CYP7B1: variants seen among roughly 807,000 people sequenced by gnomAD.
CYP7B1 encodes cytochrome P450 family 7 subfamily B member 1, also known as cytochrome P450 7B1.
In CYP7B1, 29 loss-of-function variants were observed where a neutral mutation model predicts 42.7. The observed-to-expected ratio is 0.68, with a 90% confidence interval of 0.51 to 0.93. The LOEUF is 0.93. Ranked by LOEUF, CYP7B1 falls within the 40% of genes least tolerant of loss-of-function variation. The probability of loss-of-function intolerance (pLI) is 0.00; values close to 1 mark genes in which losing one functional copy is unlikely to be tolerated. For synonymous variants in CYP7B1, 235 were observed against 218.2 expected (o/e 1.08, Z -0.68); for missense variants, 655 against 600.5 (o/e 1.09, Z -0.95).
At position 64,592,081 on chromosome 8, in the gene CYP7B1, G is replaced by A. The variant is rs1337061251; in HGVS notation, c.*4561C>T. 2.6e-5 allele frequency among the ~76,000 whole-genome samples: 4 copies of A among 151,808 alleles called. No homozygotes were observed. Among genetic ancestry groups the A allele is most frequent in the Non-Finnish European group, 4.4e-5 (3 of 67,966 alleles). On this transcript the variant is annotated 3_prime_UTR_variant, in exon 6 of 6. Coordinates refer to ENST00000310193, the MANE Select transcript of CYP7B1 (RefSeq NM_004820.5). Reference sequence around the variant, plus strand: ...TGGGTGCCTGTAGTCCCAGCTACTCGGAGGGCTGAGACAAGGGAATTGCTT... The same window carrying A: ...TGGGTGCCTGTAGTCCCAGCTACTCAGAGGGCTGAGACAAGGGAATTGCTT...
chr8:64,599,479 T>G (rs1805169893), intron 5 of CYP7B1, among the ~76,000 whole-genome samples: 1 of 152,190 alleles, frequency 6.6e-6, no homozygotes, highest in African/African-American at 2.4e-5. Context: ...TGAGCCACTG[T>G]GTCCGGCCGC....
chr8:64,737,873 A>G (rs1311270205), intron 1 of CYP7B1, among the ~76,000 whole-genome samples: 1 of 152,196 alleles, frequency 6.6e-6, no homozygotes, highest in African/African-American at 2.4e-5. Context: ...TGGCAGCAGT[A>G]ACTGGGAATT....
Position 64,664,411 on chromosome 8 carries a change from G to C in CYP7B1, c.123-39872C>G, listed in dbSNP as rs1166979899. Reference sequence around the variant, plus strand: ...AGACATTGTGCTAAGTGCTTTGAAAGGATTATCTAATTTAATCTCTACAGC... The same window carrying C: ...AGACATTGTGCTAAGTGCTTTGAAACGATTATCTAATTTAATCTCTACAGC... On this transcript the variant is annotated intron_variant, in intron 1 of 5. Transcript: ENST00000310193. Among the ~76,000 whole-genome samples, 8 of 152,072 alleles carry C rather than the reference G, an allele frequency of 5.3e-5. No homozygotes were observed. In the East Asian group the frequency reaches 1.5e-3, roughly 29 times the overall value.
At chr8:64,781,762 C>T (rs987925293) in intron 1 of CYP7B1, among the ~76,000 whole-genome samples, 5 of 152,110 alleles carry the variant, frequency 3.3e-5, no homozygotes, top group Non-Finnish European at 7.4e-5. Flanking sequence ...TGTAACCGAA[C>T]ATATTCATAG....
chr8:64,656,878 C>A (rs896321107), intron 1 of CYP7B1, among the ~76,000 whole-genome samples: 2 of 152,056 alleles, frequency 1.3e-5, no homozygotes, highest in African/African-American at 2.4e-5. Flanking sequence ...AAACACATTA[C>A]AATTTAATTT....
At chr8:64,764,843 G>T (rs1413501120) in intron 1 of CYP7B1, among the ~76,000 whole-genome samples, 1 of 152,158 alleles carries the variant, frequency 6.6e-6, no homozygotes, top group Non-Finnish European at 1.5e-5. Context: ...AGAAAAAGGT[G>T]ATTTAACATT....
chr8:64,774,324 T>C (rs899033618), intron 1 of CYP7B1, among the ~76,000 whole-genome samples: 2 of 152,178 alleles, frequency 1.3e-5, no homozygotes, highest in Non-Finnish European at 2.9e-5. Context: ...ATGTATATAG[T>C]AGGTAGCCAA....
downstream of CYP7B1, among the ~76,000 whole-genome samples, chr8:64,589,489 T>G (rs1805007965): frequency 6.6e-6 from 1 of 152,226 alleles, no homozygotes; most frequent in African/African-American, 2.4e-5. Context: ...GTATTCCATT[T>G]GACGTAGAAA....
chr8:64,646,765 C>T (rs954781121), intron 1 of CYP7B1, among the ~76,000 whole-genome samples: 9 of 152,210 alleles, frequency 5.9e-5, no homozygotes, highest in East Asian at 3.8e-4. Context: ...TTAAACCTCA[C>T]GAACTGCCCT....
chr8:64,658,166 G>A (rs764323658), intron 1 of CYP7B1, among the ~76,000 whole-genome samples: 3 of 151,988 alleles, frequency 2.0e-5, no homozygotes, highest in Non-Finnish European at 4.4e-5. Context: ...TTATAGATTC[G>A]AATTTCAAGA....
chr8:64,627,956 G>T (rs975265958), intron 1 of CYP7B1, among the ~76,000 whole-genome samples: 3 of 152,140 alleles, frequency 2.0e-5, no homozygotes, highest in African/African-American at 7.2e-5. Flanking sequence ...TGCAAATACT[G>T]CTATTTGTCT....
intron 1 of CYP7B1, among the ~76,000 whole-genome samples, chr8:64,626,675 A>T (rs1805614544): frequency 6.6e-6 from 1 of 152,196 alleles, no homozygotes; most frequent in Non-Finnish European, 1.5e-5. Flanking sequence ...ATGTCTTCCT[A>T]GTTATTTATT....
chr8:64,742,672 A>G (rs764203893), intron 1 of CYP7B1, among the ~76,000 whole-genome samples: 19 of 152,088 alleles, frequency 1.2e-4, no homozygotes, highest in Admixed American at 2.0e-4. Context: ...TTCTTCCAAG[A>G]CCTGGCTCCT....
intron 1 of CYP7B1, among the ~76,000 whole-genome samples, chr8:64,741,301 T>C (rs776481945): frequency 5.0e-4 from 76 of 152,194 alleles, no homozygotes; most frequent in Non-Finnish European, 9.0e-4. Flanking sequence ...ATGATTCTTC[T>C]ATGTGGAAAT....
At chr8:64,605,035 G>C (rs1805259242) in intron 4 of CYP7B1, among the ~76,000 whole-genome samples, 178 bp from the exon 5 acceptor site, 1 of 152,216 alleles carries the variant, frequency 6.6e-6, no homozygotes, top group Non-Finnish European at 1.5e-5. Flanking sequence ...GTGAGCAGGG[G>C]CGGTGGTCTG....
intron 4 of CYP7B1, among the ~76,000 whole-genome samples, chr8:64,605,228 A>G (rs1481512189): frequency 5.3e-5 from 8 of 152,228 alleles, no homozygotes; most frequent in Non-Finnish European, 8.8e-5. Context: ...GTCATTCCAC[A>G]AACCTTTAGA....
intron 1 of CYP7B1, among the ~76,000 whole-genome samples, chr8:64,632,285 G>A (rs977372585): frequency 2.6e-5 from 4 of 152,066 alleles, no homozygotes; most frequent in East Asian, 1.9e-4. Context: ...AGATAAACGC[G>A]GAGGACATTA....
chr8:64,615,317 A>T, intron 3 of CYP7B1, 85 bp from the exon 4 acceptor site: 1 of 1,366,676 alleles, frequency 7.3e-7, no homozygotes, highest in Non-Finnish European at 1.0e-6. Context: ...AGATGTTAGG[A>T]CACAGACCCA....
intron 1 of CYP7B1, among the ~76,000 whole-genome samples, chr8:64,669,209 G>T (rs920754442): frequency 2.6e-5 from 4 of 152,048 alleles, no homozygotes; most frequent in African/African-American, 9.7e-5. Context: ...TGATGGCATG[G>T]GGCAAATGGG....
Sources: allele counts gnomAD v4.1 joint callset (sites outside exome capture counted in the v4.1 genomes callset), GRCh38; gene constraint gnomAD v4.1.1; transcripts MANE v1.5; gene names NCBI Gene and HGNC (gene_info 2026-07-23, HGNC 2026-07-21).